SLC37A3: variants seen among roughly 807,000 people sequenced by gnomAD.
SLC37A3 encodes solute carrier family 37 member 3.
A neutral mutation model predicts 67.1 loss-of-function variants in SLC37A3; 51 were observed. That is an observed-to-expected ratio of 0.76 (90% CI 0.61 to 0.96). SLC37A3 has a LOEUF of 0.96. Among genes scored for constraint, SLC37A3 ranks in the 40% least tolerant of loss-of-function variants. SLC37A3 has a pLI of 0.00. For synonymous variants in SLC37A3, 214 were observed against 231.4 expected, an observed-to-expected ratio of 0.92 and a Z score of 0.68; for missense variants, 508 against 603.0, an observed-to-expected ratio of 0.84 and a Z score of 1.65.
chr7:140,347,304 T>G (rs916156209), intron 10 of SLC37A3, among the ~76,000 whole-genome samples: 4 of 151,342 alleles, frequency 2.6e-5, no homozygotes, highest in Admixed American at 2.6e-4. Flanking sequence ...AAAATAAAAT[T>G]TAGCAGTTAT....
intron 3 of SLC37A3, 61 bp downstream of exon 3, chr7:140,380,221 A>C (rs1204092709): frequency 4.0e-6 from 4 of 989,572 alleles, no homozygotes. Context: ...GAGCTTAAGA[A>C]CAATCTAGGG....
intron 3 of SLC37A3, among the ~76,000 whole-genome samples, chr7:140,370,149 G>GTTT (rs34474661): frequency 0.37 from 55,416 of 148,790 alleles, 10,811 homozygotes; most frequent in Non-Finnish European, 0.44. Flanking sequence ...GAAATAACTA[G>GTTT]TTTTTTTTTT....
At chr7:140,375,658 C>T (rs1189129368) in intron 3 of SLC37A3, among the ~76,000 whole-genome samples, 3 of 152,192 alleles carry the variant, frequency 2.0e-5, no homozygotes, top group South Asian at 2.1e-4. Flanking sequence ...TTACGAACTA[C>T]GAAAGAATCA....
intron 12 of SLC37A3, 79 bp from the exon 13 acceptor site, chr7:140,343,642 G>A (rs78479590): frequency 0.062 from 89,138 of 1,427,778 alleles, 3,119 homozygotes; most frequent in Non-Finnish European, 0.071. Flanking sequence ...AATAATATCC[G>A]AATAGTTTTC....
intron 5 of SLC37A3, among the ~76,000 whole-genome samples, chr7:140,362,006 C>T (rs1206889581): frequency 1.6e-5 from 2 of 128,588 alleles, no homozygotes; most frequent in Admixed American, 1.5e-4. Flanking sequence ...TCTGCCTGGC[C>T]CCCCATCGTC....
chr7:140,362,686 C>T (rs1189649080), intron 5 of SLC37A3, among the ~76,000 whole-genome samples: 1 of 46,920 alleles, frequency 2.1e-5, no homozygotes, highest in African/African-American at 8.2e-5. Flanking sequence ...GGGGGGGGGT[C>T]AGCCCCCTGC....
At chr7:140,380,885 ATTC>A (rs1554432987) in intron 2 of SLC37A3, among the ~76,000 whole-genome samples, 26 of 139,962 alleles carry the variant, frequency 1.9e-4, no homozygotes, top group Non-Finnish European at 9.1e-5. Flanking sequence ...CAATTTTAGA[ATTC>A]TTCTTCTTCT....
chr7:140,352,102 G>A lies in SLC37A3; in HGVS notation c.663C>T (p.Ile221=), dbSNP rs1040602503. 3 of 1,613,218 alleles carry A rather than the reference G, an allele frequency of 1.9e-6. No individual in the cohort carries two copies. Among genetic ancestry groups the A allele is most frequent in the African/African-American group, 1.3e-5 (1 of 74,860 alleles). Residue 221 remains isoleucine (I), a synonymous_variant, in exon 8 of 15, where the codon ATC becomes ATT. Transcript: ENST00000326232. ...ACACCAGGAGTCCAAAGAAGATAACGATCCCACCAGCAAACTGCACAGACG... is the reference window on the plus strand; with the variant it reads ...ACACCAGGAGTCCAAAGAAGATAACAATCCCACCAGCAAACTGCACAGACG... ...VTASVQFAGG[I]VIFFGLLVSP...
intron 3 of SLC37A3, among the ~76,000 whole-genome samples, chr7:140,379,719 C>A (rs1051783148): frequency 6.7e-6 from 1 of 148,676 alleles, no homozygotes; most frequent in Non-Finnish European, 1.5e-5. Flanking sequence ...GTGGTGAAAC[C>A]CCATCTCTAC....
At chr7:140,380,904 T>TTTTC in intron 2 of SLC37A3, among the ~76,000 whole-genome samples, 1 of 149,886 alleles carries the variant, frequency 6.7e-6, no homozygotes, top group East Asian at 2.0e-4. Flanking sequence ...CTTCTTTTTT[T>TTTTC]TTTTTTTTTT....
chr7:140,378,961 C>T (rs1165590317), intron 3 of SLC37A3, among the ~76,000 whole-genome samples: 1 of 151,162 alleles, frequency 6.6e-6, no homozygotes, highest in East Asian at 2.0e-4. Context: ...GCAGGAGAAT[C>T]GCTTGATCCC....
chr7:140,390,417 C>A (rs6950516), intron 1 of SLC37A3, among the ~76,000 whole-genome samples: 1,741 of 152,202 alleles, frequency 0.011, 39 homozygotes, highest in African/African-American at 0.036. Context: ...TCCCCTAAGG[C>A]CTTTCAAGAG....
Position 140,362,763 on chromosome 7 carries a change from C to T in SLC37A3, c.375+1645G>A, listed in dbSNP as rs1306164765. On this transcript the variant is annotated intron_variant, in intron 5 of 14. Coordinates refer to ENST00000326232, the MANE Select transcript of SLC37A3 (RefSeq NM_207113.3). ...CCCCCACCCGGCCAGCCGCCCCGTCCGGGAGGGAGGTGGGGGGATCAGCCC... is the reference window on the plus strand; with the variant it reads ...CCCCCACCCGGCCAGCCGCCCCGTCTGGGAGGGAGGTGGGGGGATCAGCCC... 7.7e-5 allele frequency among the ~76,000 whole-genome samples: 7 copies of T among 91,180 alleles called. No homozygotes were observed. The South Asian group carries it at 2.9e-3, about 37-fold the overall frequency. 59.8% of individuals were successfully genotyped at this position (91,180 alleles called of 152,430 possible).
intron 1 of SLC37A3, among the ~76,000 whole-genome samples, chr7:140,396,882 G>GTTTTTTTTTTTTTTTTTTTTTTTTTT (rs199685905): frequency 9.9e-6 from 1 of 100,866 alleles, no homozygotes. Flanking sequence ...CTCAATTTCT[G>GTTTTTTTTTTTTTTTTTTTTTTTTTT]TTTTTTTTTT....
intron 5 of SLC37A3, among the ~76,000 whole-genome samples, chr7:140,360,201 C>A (rs953996030): frequency 6.6e-6 from 1 of 152,074 alleles, no homozygotes; most frequent in Admixed American, 6.6e-5. Context: ...TAAAAATTAG[C>A]TAAGCATGAT....
In SLC37A3 at chr7:140,369,668, G is replaced by A; in HGVS notation, c.213C>T (p.Asn71=). 6.2e-7 allele frequency: 1 copy of A among 1,613,922 alleles called. No homozygotes were observed. Residue 71 remains asparagine (N), a synonymous_variant, in exon 4 of 15, where the codon AAC becomes AAT. Transcript: ENST00000326232. ...CTTTCTCTGCACTGGGGAACAAATG[G>A]TTGCTGCTCCAGATCTACAGTAAGA... The part of the protein sequence containing the change: ...VELPVEIWSS[N]HLFPSAEKAT...
At chr7:140,363,068 TGG>T (rs772752394) in intron 5 of SLC37A3, among the ~76,000 whole-genome samples, 1 of 47,542 alleles carries the variant, frequency 2.1e-5, no homozygotes, top group East Asian at 7.0e-4. Context: ...GGGAGGGTGG[TGG>T]GGGGGGTCAG....
Position 140,337,322 on chromosome 7 carries a change from G to C in SLC37A3, c.1354C>G (p.Leu452Val). The change falls in exon 14 of 15, where the codon CTA becomes GTA. Residue 452 changes from leucine to valine, a missense_variant. Transcript: ENST00000326232. ...QYLVSLIRDK[L>V]GWMWVFYFFI... ...AAGTAGAAAACCCACATCCATCCTA[G>C]CTTGTCCCGGATCAGAGACACTAAA... 6.2e-7 allele frequency: 1 copy of C among 1,600,716 alleles called. No homozygotes were observed. The highest frequency in any genetic ancestry group is 8.5e-7 in the Non-Finnish European group (1 of 1,174,320).
At chr7:140,378,018 T>C (rs1390177272) in intron 3 of SLC37A3, among the ~76,000 whole-genome samples, 1 of 152,210 alleles carries the variant, frequency 6.6e-6, no homozygotes, top group Non-Finnish European at 1.5e-5. Flanking sequence ...ACACGTACTC[T>C]ATGTTGAGTC....
Sources: gnomAD v4.1 joint callset for allele counts (sites outside exome capture counted in the v4.1 genomes callset) on GRCh38, gnomAD v4.1.1 for gene constraint, MANE v1.5 for transcripts, NCBI Gene and HGNC (gene_info 2026-07-23, HGNC 2026-07-21) for gene names.